SUGT1: variants seen among roughly 807,000 people sequenced by gnomAD.
The protein encoded by SUGT1 is SGT1 assembly cochaperone of MIS12 kinetochore complex, also known as protein SGT1 homolog.
A neutral mutation model predicts 56.1 loss-of-function variants in SUGT1; 15 were observed. The ratio of observed to expected loss-of-function variants is 0.27; its 90% CI spans 0.18 to 0.41. The LOEUF (loss-of-function observed/expected upper bound fraction) is 0.41, where lower values mean the gene tolerates loss of function less well. Ranked by LOEUF, SUGT1 falls within the 10% of genes least tolerant of loss-of-function variation. The probability of loss-of-function intolerance (pLI) is 1.00; values close to 1 mark genes in which losing one functional copy is unlikely to be tolerated. For missense variants in SUGT1, 347 were observed against 382.2 expected (o/e 0.91, Z 0.77); for synonymous variants, 123 against 128.6 (o/e 0.96, Z 0.30).
At chr13:52,681,637 AGGC>A (rs751869566) in intron 12 of SUGT1, among the ~76,000 whole-genome samples, 108 of 152,122 alleles carry the variant, frequency 7.1e-4, no homozygotes, top group Non-Finnish European at 1.3e-3. Context: ...GGATCCCTTG[AGGC>A]TAGACCAGCC....
At chr13:52,660,715 A>G (rs955852671) in intron 5 of SUGT1, among the ~76,000 whole-genome samples, 4 of 152,234 alleles carry the variant, frequency 2.6e-5, no homozygotes, top group Non-Finnish European at 5.9e-5. Context: ...CTGCACTCTT[A>G]GCAAATTCTA....
At chr13:52,662,988 GA>G (rs919264846) in intron 6 of SUGT1, 107 bp from the exon 7 acceptor site, 2 of 1,253,874 alleles carry the variant, frequency 1.6e-6, no homozygotes, top group African/African-American at 3.0e-5. Context: ...GAAAGGTACG[GA>G]GAATTTGCTT....
At chr13:52,666,094 T>C (rs1400914608) in intron 9 of SUGT1, among the ~76,000 whole-genome samples, 2 of 152,152 alleles carry the variant, frequency 1.3e-5, no homozygotes, top group African/African-American at 4.8e-5. Context: ...ACTTTTTTTG[T>C]TGTTGTTTTT....
rs1373654222 is a variant in SUGT1 at position 52,698,224 on chromosome 13, G to GT, written c.*10390dup. 1 of 152,122 alleles carries GT rather than the reference G, an allele frequency of 6.6e-6. No homozygotes were observed. Among genetic ancestry groups the GT allele is most frequent in the Non-Finnish European group, 1.5e-5 (1 of 68,012 alleles). The allele number at this position is 152,122 out of a possible 1,614,324, so 9.4% of individuals were successfully genotyped here. On this transcript the variant is annotated 3_prime_UTR_variant, in exon 13 of 13. Transcript: ENST00000310528. ...CTCTTATTCCCTGGAATGCAAACAT[G>GT]TATTTGCATTTCATCCACTGTCAGT... is the stretch of plus-strand genomic sequence containing the variant.
rs1309301862 is a variant in SUGT1, at chr13:52,688,714, T to A, written c.*879T>A. ...TAATGTGTATATGTTTAGTATTTAC[T>A]CTGTGCCTAGAATATATAGATATCA... is the stretch of plus-strand genomic sequence containing the variant. On this transcript the variant is annotated 3_prime_UTR_variant, in exon 13 of 13. Transcript: ENST00000310528. The A allele has an allele frequency of 6.6e-6, 1 of 152,192 alleles. No individual in the cohort carries two copies. Among genetic ancestry groups the A allele is most frequent in the African/African-American group, 2.4e-5 (1 of 41,438 alleles). The allele number at this position is 152,192 out of a possible 1,614,324, so 9.4% of individuals were successfully genotyped here.
chr13:52,669,517 G>A (rs143151827), intron 10 of SUGT1, among the ~76,000 whole-genome samples: 148 of 152,280 alleles, frequency 9.7e-4, no homozygotes, highest in African/African-American at 3.5e-3. Flanking sequence ...CTTTCCCCAA[G>A]TTTACCTAGT....
chr13:52,684,632 G>T (rs765839102), intron 12 of SUGT1, among the ~76,000 whole-genome samples: 8 of 151,822 alleles, frequency 5.3e-5, no homozygotes, highest in Admixed American at 1.3e-4. Flanking sequence ...TTGACCTCCT[G>T]GGCTCGAGTA....
chr13:52,688,096 T>G lies in SUGT1; in HGVS notation c.*261T>G, dbSNP rs1239414913. 2 of 219,576 alleles carry G rather than the reference T, an allele frequency of 9.1e-6. No individual in the cohort carries two copies. The highest frequency in any genetic ancestry group is 1.8e-5 in the Non-Finnish European group (2 of 112,282). 13.6% of individuals were successfully genotyped at this position (219,576 alleles called of 1,614,324 possible). On this transcript the variant is annotated 3_prime_UTR_variant, in exon 13 of 13. Coordinates refer to ENST00000310528, the MANE Select transcript of SUGT1 (RefSeq NM_006704.5). ...GTCATTTGCTCCTAGATAGATTCAT[T>G]CTATCTAGTTGTGGGGATGGAGAAA...
At chr13:52,663,203 G>A (rs1962545163) in intron 7 of SUGT1, 91 bp downstream of exon 7, 10 of 1,324,706 alleles carry the variant, frequency 7.5e-6, no homozygotes, top group East Asian at 4.8e-5. Flanking sequence ...TGAGCTGTCT[G>A]ATATTTAAAT....
At chr13:52,657,510 C>A (rs1566174405) in intron 2 of SUGT1, 22 bp from the exon 3 acceptor site, 4 of 1,604,762 alleles carry the variant, frequency 2.5e-6, no homozygotes, top group Non-Finnish European at 3.4e-6. Context: ...TTTACTGACG[C>A]TCCACATGTT....
At chr13:52,667,004 C>A in intron 10 of SUGT1, 85 bp downstream of exon 10, 1 of 882,278 alleles carries the variant, frequency 1.1e-6, no homozygotes, top group Non-Finnish European at 1.8e-6. Context: ...TGTTTATAAG[C>A]TTGTAGATTC....
chr13:52,672,770 G>A (rs969820710), intron 10 of SUGT1, among the ~76,000 whole-genome samples: 7 of 152,118 alleles, frequency 4.6e-5, no homozygotes, highest in African/African-American at 1.7e-4. Context: ...TTAAGATGGT[G>A]GTGTCTGGAT....
rs141343233 is a variant in SUGT1 at position 52,694,383 on chromosome 13, T to C, written c.*6548T>C. 1 of 152,244 alleles carries C rather than the reference T, an allele frequency of 6.6e-6. No homozygotes were observed. Among genetic ancestry groups the C allele is most frequent in the Non-Finnish European group, 1.5e-5 (1 of 68,034 alleles). The allele number at this position is 152,244 out of a possible 1,614,324, so 9.4% of individuals were successfully genotyped here. ...ACTGTAATTTATAAAATTTGTACTT[T>C]GGAGAGCATAAGAATTCATGAAAAG... On this transcript the variant is annotated 3_prime_UTR_variant, in exon 13 of 13. Coordinates refer to ENST00000310528, the MANE Select transcript of SUGT1 (RefSeq NM_006704.5).
At chr13:52,669,828 A>G (rs114299309) in intron 10 of SUGT1, among the ~76,000 whole-genome samples, 1,924 of 152,274 alleles carry the variant, frequency 0.013, 44 homozygotes, top group African/African-American at 0.043. Context: ...AAATGATAAA[A>G]TCTTTGAATT....
At chr13:52,672,890 C>T (rs920936069) in intron 10 of SUGT1, among the ~76,000 whole-genome samples, 2 of 152,118 alleles carry the variant, frequency 1.3e-5, no homozygotes, top group African/African-American at 4.8e-5. Flanking sequence ...GATGGTAGTA[C>T]CTATGCTGTT....
At chr13:52,657,659 T>C (rs1233040701) in intron 3 of SUGT1, 37 bp downstream of exon 3, 1 of 1,553,328 alleles carries the variant, frequency 6.4e-7, no homozygotes, top group East Asian at 2.2e-5. Flanking sequence ...CCCCTTTTAA[T>C]AAGTTACTTA....
chr13:52,652,934 C>T lies in SUGT1; in HGVS notation c.14C>T (p.Ala5Val). Residue 5 changes from alanine (A) to valine (V), a missense_variant, in exon 1 of 13, where the codon GCA (alanine) becomes GTA (valine). Ala to Val is a moderately conservative substitution (Grantham distance 64, BLOSUM62 0). Transcript: ENST00000310528. The part of the protein sequence containing the change: MAAA[A>V]AGTATSQRFF... ...CGACTACGAGGGATGGCGGCGGCTG[C>T]AGCAGGAACTGCAACATCCCAGAGG... is the stretch of plus-strand genomic sequence containing the variant. 1 of 1,614,136 alleles carries T rather than the reference C, an allele frequency of 6.2e-7. No individual in the cohort carries two copies. The highest frequency in any genetic ancestry group is 8.5e-7 in the Non-Finnish European group (1 of 1,180,006).
rs532012159 is a variant in SUGT1 at position 52,700,633 on chromosome 13, T to C, written c.*12798T>C. On this transcript the variant is annotated 3_prime_UTR_variant, in exon 13 of 13. Coordinates refer to ENST00000310528, the MANE Select transcript of SUGT1 (RefSeq NM_006704.5). ...TGCCTGTAAAATGTTTTTGCTGAAA[T>C]TTGTATCATTAACTCTCAAATTTAC... 5.9e-5 allele frequency: 9 copies of C among 152,230 alleles called. No homozygotes were observed. The highest frequency in any genetic ancestry group is 1.3e-4 in the Non-Finnish European group (9 of 68,034). 9.4% of individuals were successfully genotyped at this position (152,230 alleles called of 1,614,324 possible). A position where few individuals can be genotyped will look rare whatever the true frequency, so the allele number is the denominator to read the frequency against.
At chr13:52,656,553 G>C (rs1379997658) in intron 2 of SUGT1, among the ~76,000 whole-genome samples, 1 of 152,050 alleles carries the variant, frequency 6.6e-6, no homozygotes, top group African/African-American at 2.4e-5. Flanking sequence ...CAAACGTAAG[G>C]TCCAAATTCC....
Sources: gnomAD v4.1 joint callset for allele counts (sites outside exome capture counted in the v4.1 genomes callset) on GRCh38, gnomAD v4.1.1 for gene constraint, MANE v1.5 for transcripts, NCBI Gene and HGNC (gene_info 2026-07-23, HGNC 2026-07-21) for gene names.